HIPK2: variants seen among roughly 807,000 people sequenced by gnomAD.
The protein encoded by HIPK2 is homeodomain interacting protein kinase 2.
Under a neutral mutation model 113.7 loss-of-function variants are expected in HIPK2, and 27 were observed. The ratio of observed to expected loss-of-function variants is 0.24; its 90% CI spans 0.17 to 0.33. The LOEUF is 0.33. HIPK2 is among the 10% of genes least tolerant of loss of function. HIPK2 has a pLI of 1.00. For missense variants in HIPK2, 1,257 were observed against 1,588.0 expected (o/e 0.79, Z 3.54); for synonymous variants, 631 against 642.2 (o/e 0.98, Z 0.26).
Position 139,620,345 on chromosome 7 carries a change from T to C in HIPK2, c.1782+56A>G. 3 of 1,595,170 alleles carry C rather than the reference T, an allele frequency of 1.9e-6. No homozygotes were observed. The South Asian group carries it at 3.4e-5, about 18-fold the overall frequency. The stretch of plus-strand genomic sequence containing the variant: ...GACTAGGTATGATGGAAAATACAAG[T>C]CCTGAGGCTCACACTGTGCAGCCCC... On this transcript the variant is annotated intron_variant, in intron 7 of 14. Transcript: ENST00000406875.
intron 12 of HIPK2, among the ~76,000 whole-genome samples, chr7:139,585,604 C>T (rs766952887): frequency 1.6e-4 from 25 of 152,150 alleles, no homozygotes; most frequent in Non-Finnish European, 3.2e-4. Flanking sequence ...GATTCAGTGG[C>T]CTCATCAGTA....
At chr7:139,773,689 G>A (rs1475610356) in intron 1 of HIPK2, among the ~76,000 whole-genome samples, 1 of 152,164 alleles carries the variant, frequency 6.6e-6, no homozygotes, top group Non-Finnish European at 1.5e-5. Context: ...CTTACAGAAA[G>A]CACCAAATTG....
chr7:139,682,068 TGA>T (rs1438932828), intron 2 of HIPK2, among the ~76,000 whole-genome samples: 1 of 152,126 alleles, frequency 6.6e-6, no homozygotes, highest in Non-Finnish European at 1.5e-5. Flanking sequence ...GGACTCATGG[TGA>T]GATGCCAATG....
At chr7:139,646,697 G>A (rs1327624994) in intron 2 of HIPK2, among the ~76,000 whole-genome samples, 1 of 152,072 alleles carries the variant, frequency 6.6e-6, no homozygotes, top group Non-Finnish European at 1.5e-5. Flanking sequence ...TTTTGTTCTC[G>A]TGAGCCCCAA....
At chr7:139,674,040 C>T (rs2116659387) in intron 2 of HIPK2, among the ~76,000 whole-genome samples, 1 of 149,194 alleles carries the variant, frequency 6.7e-6, no homozygotes, top group East Asian at 2.0e-4. Context: ...CACTTCAGCC[C>T]GGATGACAGA....
intron 10 of HIPK2, among the ~76,000 whole-genome samples, chr7:139,602,109 C>T (rs1033128830): frequency 6.6e-6 from 1 of 151,994 alleles, no homozygotes; most frequent in African/African-American, 2.4e-5. Flanking sequence ...TGCACTGCCA[C>T]GCCCAGCTAA....
intron 14 of HIPK2, among the ~76,000 whole-genome samples, chr7:139,574,753 C>T (rs541852176): frequency 8.5e-5 from 13 of 152,328 alleles, no homozygotes; most frequent in South Asian, 4.1e-4. Flanking sequence ...TGCAATGAGT[C>T]GGATGCAGGT....
chr7:139,594,923 C>T (rs1024603973), intron 12 of HIPK2, among the ~76,000 whole-genome samples: 5 of 152,208 alleles, frequency 3.3e-5, no homozygotes, highest in East Asian at 1.9e-4. Flanking sequence ...CCCAGCCTCT[C>T]GGTTCTATCA....
chr7:139,728,096 T>A (rs561295303), intron 1 of HIPK2, among the ~76,000 whole-genome samples: 2 of 152,132 alleles, frequency 1.3e-5, no homozygotes, highest in South Asian at 4.2e-4. Flanking sequence ...TGCGCCATCA[T>A]GCCTGCCTAA....
intron 1 of HIPK2, among the ~76,000 whole-genome samples, chr7:139,725,831 G>A (rs1795559237): frequency 2.0e-5 from 3 of 152,142 alleles, no homozygotes; most frequent in Non-Finnish European, 4.4e-5. Flanking sequence ...AAGTCACTTC[G>A]CCTCTGCTAG....
rs1259761051 is a variant in HIPK2 at position 139,575,992 on chromosome 7, T to C, written c.2966-704A>G. ...AAATAAACTTCTATTGATTATAAAT[T>C]ACCCAGTCTCAGGTACTCTGTTACA... On this transcript the variant is annotated intron_variant, in intron 13 of 14. Coordinates refer to ENST00000406875, the MANE Select transcript of HIPK2 (RefSeq NM_022740.5). 4.6e-5 allele frequency among the ~76,000 whole-genome samples: 7 copies of C among 152,266 alleles called. No individual in the cohort carries two copies. The East Asian group carries it at 1.2e-3, about 25-fold the overall frequency.
At chr7:139,766,488 T>A (rs371977717) in intron 1 of HIPK2, among the ~76,000 whole-genome samples, 42 of 152,296 alleles carry the variant, frequency 2.8e-4, no homozygotes, top group African/African-American at 1.0e-3. Context: ...ACAGGACAAA[T>A]GGAACAAGAG....
intron 1 of HIPK2, among the ~76,000 whole-genome samples, chr7:139,767,675 G>A (rs1796574954): frequency 6.6e-6 from 1 of 152,250 alleles, no homozygotes; most frequent in African/African-American, 2.4e-5. Context: ...AGTTTCATCA[G>A]CTTTGCTTTA....
intron 2 of HIPK2, among the ~76,000 whole-genome samples, chr7:139,675,380 A>C (rs538663470): frequency 3.3e-5 from 5 of 152,018 alleles, no homozygotes; most frequent in Non-Finnish European, 7.4e-5. Flanking sequence ...CATATGAAAA[A>C]CAGTGAGCAA....
At chr7:139,636,716 A>C (rs1366712643) in intron 2 of HIPK2, among the ~76,000 whole-genome samples, 4 of 152,040 alleles carry the variant, frequency 2.6e-5, no homozygotes, top group African/African-American at 9.7e-5. Flanking sequence ...TTGATTTTGG[A>C]TGTCTTTTGT....
At chr7:139,604,813 T>C (rs1428819729) in intron 9 of HIPK2, among the ~76,000 whole-genome samples, 1 of 152,142 alleles carries the variant, frequency 6.6e-6, no homozygotes, top group Non-Finnish European at 1.5e-5. Context: ...TTTGCTCTAA[T>C]GAGCAATGCT....
chr7:139,669,963 A>G (rs1802204471), intron 2 of HIPK2, among the ~76,000 whole-genome samples: 1 of 152,178 alleles, frequency 6.6e-6, no homozygotes, highest in South Asian at 2.1e-4. Flanking sequence ...TTAACCTTTT[A>G]CTTATTGAGA....
intron 1 of HIPK2, among the ~76,000 whole-genome samples, chr7:139,749,462 C>A (rs1796243485): frequency 6.6e-6 from 1 of 151,188 alleles, no homozygotes; most frequent in Admixed American, 6.5e-5. Flanking sequence ...AGATCTTGCA[C>A]AAGTGAATTT....
chr7:139,572,766 C>CCA lies in HIPK2; in HGVS notation c.*160_*161insTG. 1 of 3,312 alleles carries CCA rather than the reference C, an allele frequency of 3.0e-4. No homozygotes were observed. Among genetic ancestry groups the CCA allele is most frequent in the Admixed American group, 3.2e-3 (1 of 310 alleles). 0.2% of individuals were successfully genotyped at this position (3,312 alleles called of 1,614,324 possible). A position where few individuals can be genotyped will look rare whatever the true frequency, so the allele number is the denominator to read the frequency against. On this transcript the variant is annotated 3_prime_UTR_variant, in exon 15 of 15. Transcript: ENST00000406875. The stretch of plus-strand genomic sequence containing the variant: ...CCCGACCCGTCCCCCTGCCCTCTGC[C>CCA]CCCCCCCCCCCCCCCGCCCCTGCCC...
Sources: gnomAD v4.1 joint callset for allele counts (sites outside exome capture counted in the v4.1 genomes callset) on GRCh38, gnomAD v4.1.1 for gene constraint, MANE v1.5 for transcripts, NCBI Gene and HGNC (gene_info 2026-07-23, HGNC 2026-07-21) for gene names.